CORO2B: variants seen among roughly 807,000 people sequenced by gnomAD.
CORO2B encodes coronin-2B.
CORO2B carries 26 observed loss-of-function variants against 58.8 expected under a neutral mutation model. That is an observed-to-expected ratio of 0.44 (90% confidence interval 0.32 to 0.61). The LOEUF (loss-of-function observed/expected upper bound fraction) is 0.61. CORO2B is among the 20% of genes least tolerant of loss of function. The probability of loss-of-function intolerance (pLI) is 0.04; values close to 1 mark genes in which losing one functional copy is unlikely to be tolerated. For synonymous variants in CORO2B, 242 were observed against 253.8 expected (o/e 0.95, Z 0.44); for missense variants, 460 against 645.1 (o/e 0.71, Z 3.11).
intron 2 of CORO2B, among the ~76,000 whole-genome samples, chr15:68,658,112 C>T (rs908195641): frequency 6.6e-6 from 1 of 152,226 alleles, no homozygotes; most frequent in Non-Finnish European, 1.5e-5. Flanking sequence ...TTCTAGGCCT[C>T]AGTTTCCCCA....
the CORO2B span, among the ~76,000 whole-genome samples, chr15:68,527,310 C>T: frequency 1.3e-5 from 2 of 151,174 alleles, no homozygotes; most frequent in African/African-American, 4.9e-5. Flanking sequence ...ATTTTTTTTT[C>T]CTATCAGTTT....
chr15:68,637,347 A>T (rs943222160), intron 1 of CORO2B, among the ~76,000 whole-genome samples: 1 of 152,202 alleles, frequency 6.6e-6, no homozygotes, highest in Non-Finnish European at 1.5e-5. Flanking sequence ...GTATGGAAAC[A>T]TGTGCTGTGT....
chr15:68,699,388 A>C (rs7177574), intron 3 of CORO2B, among the ~76,000 whole-genome samples: 5,144 of 152,028 alleles, frequency 0.034, 275 homozygotes, highest in African/African-American at 0.11. Context: ...TCACAGACAG[A>C]TTTATGGAGG....
intron 1 of CORO2B, among the ~76,000 whole-genome samples, chr15:68,625,159 G>A (rs1043104530): frequency 2.0e-5 from 3 of 152,054 alleles, no homozygotes; most frequent in Non-Finnish European, 2.9e-5. Context: ...GAAGGACCCC[G>A]TCTTCTCAGG....
At chr15:68,696,256 A>C (rs564033294) in intron 3 of CORO2B, among the ~76,000 whole-genome samples, 1 of 151,648 alleles carries the variant, frequency 6.6e-6, no homozygotes, top group South Asian at 2.1e-4. Flanking sequence ...TCTCAAAAAA[A>C]AAAAAAAAGA....
intron 2 of CORO2B, among the ~76,000 whole-genome samples, chr15:68,677,541 T>C (rs1218655683): frequency 2.0e-5 from 3 of 152,146 alleles, no homozygotes; most frequent in African/African-American, 7.2e-5. Flanking sequence ...GGCGGGGGGA[T>C]GCTGAGGCTG....
chr15:68,597,455 G>T (rs1899861818), intron 1 of CORO2B, among the ~76,000 whole-genome samples: 1 of 152,094 alleles, frequency 6.6e-6, no homozygotes, highest in Middle Eastern at 3.4e-3. Context: ...TGAAACTGAG[G>T]CTCCAAGGGG....
Position 68,706,121 on chromosome 15 carries a change from A to G in CORO2B, c.334-4611A>G, listed in dbSNP as rs545634504. 5.9e-5 allele frequency among the ~76,000 whole-genome samples: 9 copies of G among 152,252 alleles called. No individual in the cohort carries two copies. The East Asian group carries it at 1.7e-3, about 29-fold the overall frequency. ...AAGCCTCAGTGACGAGATATGACAC[A>G]CATGACCTCTGGCCTCCTCTCCACC... On this transcript the variant is annotated intron_variant, in intron 3 of 11. Coordinates refer to ENST00000261861, the MANE Select transcript of CORO2B (RefSeq NM_006091.5).
At chr15:68,562,834 G>A in the CORO2B span, among the ~76,000 whole-genome samples, 1 of 151,810 alleles carries the variant, frequency 6.6e-6, no homozygotes, top group African/African-American at 2.4e-5. Context: ...AAAATTAGCC[G>A]GGCGTGGTGG....
chr15:68,719,499 G>A lies in CORO2B; in HGVS notation c.1258G>A (p.Val420Met), dbSNP rs776010647. The change falls in exon 11 of 12, where the codon GTG becomes ATG. Residue 420 changes from valine (V) to methionine (M), a missense_variant. Val to Met is a conservative substitution (Grantham distance 21). Coordinates refer to ENST00000261861, the MANE Select transcript of CORO2B (RefSeq NM_006091.5). The stretch of plus-strand genomic sequence containing the variant: ...TCCCATCAAAGAAAAGAAGAGTGTT[G>A]TGGTCAACGGAATAGATTTATTAGA... ...KAPIKEKKSV[V>M]VNGIDLLENV... is the part of the protein sequence containing the mutation. 10 of 1,614,178 alleles carry A rather than the reference G, an allele frequency of 6.2e-6. No individual in the cohort carries two copies. Among genetic ancestry groups the A allele is most frequent in the Non-Finnish European group, 8.5e-6 (10 of 1,180,022 alleles).
chr15:68,519,761 C>T, the CORO2B span, among the ~76,000 whole-genome samples: 1,178 of 152,270 alleles, frequency 7.7e-3, 21 homozygotes, highest in African/African-American at 0.027. Context: ...TAGATACTTA[C>T]ATAAGTGGCT....
At chr15:68,720,066 T>C (rs569900960) in intron 11 of CORO2B, among the ~76,000 whole-genome samples, 26 of 152,240 alleles carry the variant, frequency 1.7e-4, no homozygotes, top group Non-Finnish European at 2.6e-4. Context: ...GGTATTTCGT[T>C]CCAGCCCACA....
the CORO2B span, among the ~76,000 whole-genome samples, chr15:68,561,269 G>T: frequency 6.6e-6 from 1 of 152,122 alleles, no homozygotes; most frequent in Non-Finnish European, 1.5e-5. Flanking sequence ...ACGCTGGGCG[G>T]CCCCCCTCCC....
chr15:68,545,554 A>T, the CORO2B span, among the ~76,000 whole-genome samples: 5 of 143,932 alleles, frequency 3.5e-5, no homozygotes, highest in African/African-American at 1.3e-4. Context: ...CCCAATCTCC[A>T]GGATCAGTCT....
At position 68,726,330 on chromosome 15, in the gene CORO2B, G is replaced by C; in HGVS notation, c.*356G>C. On this transcript the variant is annotated 3_prime_UTR_variant, in exon 12 of 12. Coordinates refer to ENST00000261861, the MANE Select transcript of CORO2B (RefSeq NM_006091.5). ...GGGATCCCAGCTAGACTTAGAACTT[G>C]GACTTTTCCCCTGTGAAGGGGGCTG... is the stretch of plus-strand genomic sequence containing the variant. The C allele has an allele frequency of 6.6e-6, 2 of 303,168 alleles. No homozygotes were observed. The highest frequency in any genetic ancestry group is 5.8e-5 in the South Asian group (2 of 34,338). The allele number at this position is 303,168 out of a possible 1,614,324, so 18.8% of individuals were successfully genotyped here. A position where few individuals can be genotyped will look rare whatever the true frequency, so the allele number is the denominator to read the frequency against.
chr15:68,608,840 T>C (rs967957550), intron 1 of CORO2B, among the ~76,000 whole-genome samples: 2 of 152,114 alleles, frequency 1.3e-5, no homozygotes, highest in African/African-American at 2.4e-5. Context: ...CGCACTCTCA[T>C]CCTCAGCATC....
intron 2 of CORO2B, among the ~76,000 whole-genome samples, chr15:68,667,009 T>C (rs1902213794): frequency 6.6e-6 from 1 of 151,958 alleles, no homozygotes; most frequent in Admixed American, 6.5e-5. Flanking sequence ...GCAGCACAGG[T>C]GAGGAGCAAA....
At chr15:68,686,866 C>T (rs987274463) in intron 2 of CORO2B, among the ~76,000 whole-genome samples, 2 of 151,378 alleles carry the variant, frequency 1.3e-5, no homozygotes, top group African/African-American at 4.9e-5. Flanking sequence ...ACCATTGCAC[C>T]CCAGCCTGCG....
chr15:68,620,858 G>A (rs898548765), intron 1 of CORO2B, among the ~76,000 whole-genome samples: 4 of 152,216 alleles, frequency 2.6e-5, no homozygotes, highest in African/African-American at 9.6e-5. Context: ...TGGGCGGGGA[G>A]CCAGTTTCTC....
Sources: allele counts gnomAD v4.1 joint callset (sites outside exome capture counted in the v4.1 genomes callset), GRCh38; gene constraint gnomAD v4.1.1; transcripts MANE v1.5; gene names NCBI Gene and HGNC (gene_info 2026-07-23, HGNC 2026-07-21).